The following MSI2 variants were observed in gnomAD, a reference collection of about 807,000 sequenced individuals.
MSI2 encodes musashi RNA binding protein 2.
A neutral mutation model predicts 45.6 loss-of-function variants in MSI2; 17 were observed. That is an observed-to-expected ratio of 0.37 (90% CI 0.26 to 0.56). MSI2 has a LOEUF of 0.56. Among genes scored for constraint, MSI2 ranks in the 20% least tolerant of loss-of-function variants. MSI2 has a pLI of 0.77. For synonymous variants in MSI2, 156 were observed against 158.2 expected (o/e 0.99, Z 0.11); for missense variants, 293 against 444.2 (o/e 0.66, Z 3.06).
chr17:57,592,733 A>C lies in MSI2; in HGVS notation c.455-4135A>C, dbSNP rs115563859. ...GACCAGCGGGGAGAATATCAGAGTC[A>C]GAATTTGAGATGATGCCCTGAGTCT... On this transcript the variant is annotated intron_variant, in intron 7 of 13. Transcript: ENST00000284073. 3.3e-3 allele frequency among the ~76,000 whole-genome samples: 502 copies of C among 152,350 alleles called. 6 individuals are homozygous for C. The highest frequency in any genetic ancestry group is 0.012 in the African/African-American group (480 of 41,572).
At chr17:57,297,905 A>C (rs1343494113) in intron 5 of MSI2, among the ~76,000 whole-genome samples, 3 of 152,194 alleles carry the variant, frequency 2.0e-5, no homozygotes, top group Non-Finnish European at 4.4e-5. Context: ...CAATTCAGTC[A>C]CATCTTAGGC....
At chr17:57,286,013 G>C (rs1440213858) in intron 5 of MSI2, 1 of 1,525,936 alleles carries the variant, frequency 6.6e-7, no homozygotes, top group Non-Finnish European at 8.7e-7. Context: ...TCTGATGAGG[G>C]TAAGAAAAAG....
chr17:57,336,949 C>T (rs895678693), intron 5 of MSI2, among the ~76,000 whole-genome samples: 11 of 152,140 alleles, frequency 7.2e-5, no homozygotes, highest in Non-Finnish European at 1.6e-4. Context: ...GGGCTGCAGT[C>T]ATCTGAAGAC....
chr17:57,317,200 G>A (rs1041643945), intron 5 of MSI2, among the ~76,000 whole-genome samples: 3 of 152,140 alleles, frequency 2.0e-5, no homozygotes, highest in Admixed American at 1.3e-4. Flanking sequence ...ATATGCACTC[G>A]ATTAGCCACG....
At chr17:57,690,380 G>A in the MSI2 span, among the ~76,000 whole-genome samples, 12 of 151,832 alleles carry the variant, frequency 7.9e-5, no homozygotes, top group Middle Eastern at 6.8e-3. Context: ...AGAGGCCAAG[G>A]CAGGAGAATC....
chr17:57,677,115 T>A, intron 13 of MSI2, 56 bp downstream of exon 13: 41 of 1,182,404 alleles, frequency 3.5e-5, no homozygotes, highest in Non-Finnish European at 5.1e-5. Context: ...TACATGTATG[T>A]CCACAGGTCA....
At chr17:57,583,497 T>G (rs902196848) in intron 7 of MSI2, among the ~76,000 whole-genome samples, 1 of 149,472 alleles carries the variant, frequency 6.7e-6, no homozygotes, top group Non-Finnish European at 1.5e-5. Context: ...TCTTTTTTTT[T>G]TTTTTTTTTT....
At chr17:57,388,625 GC>G (rs1176591149) in intron 5 of MSI2, among the ~76,000 whole-genome samples, 1 of 152,098 alleles carries the variant, frequency 6.6e-6, no homozygotes, top group Non-Finnish European at 1.5e-5. Context: ...AGATCACCCA[GC>G]CTCCCCACCC....
At chr17:57,452,822 C>T (rs181238981) in intron 6 of MSI2, among the ~76,000 whole-genome samples, 142 of 152,214 alleles carry the variant, frequency 9.3e-4, no homozygotes, top group Non-Finnish European at 1.3e-3. Flanking sequence ...TCATCACCCT[C>T]GTCTTACAGG....
chr17:57,399,365 G>A (rs1310138137), intron 5 of MSI2, among the ~76,000 whole-genome samples: 1 of 152,218 alleles, frequency 6.6e-6, no homozygotes, highest in Non-Finnish European at 1.5e-5. Context: ...GTGGTATACT[G>A]AGTTGTTAGA....
In MSI2 at chr17:57,552,031, C is replaced by T. The variant is rs1211734506; in HGVS notation, c.454+22307C>T. ...TCCACTTGCTGCATAGAGGGGTTTT[C>T]TGGAACAGAGAATGTGCTGGACCTA... On this transcript the variant is annotated intron_variant, in intron 7 of 13. Coordinates refer to ENST00000284073, the MANE Select transcript of MSI2 (RefSeq NM_138962.4). This position sits in a 1 kb window ranked among gnomAD's most constrained non-coding sequence, Gnocchi z 4.3. 6.6e-6 allele frequency among the ~76,000 whole-genome samples: 1 copy of T among 152,170 alleles called. No homozygotes were observed. The highest frequency in any genetic ancestry group is 1.5e-5 in the Non-Finnish European group (1 of 68,028).
At chr17:57,675,929 A>G (rs572065456) in intron 12 of MSI2, among the ~76,000 whole-genome samples, 1 of 152,326 alleles carries the variant, frequency 6.6e-6, no homozygotes, top group Admixed American at 6.5e-5. Flanking sequence ...GTGTGTGAGC[A>G]TGAATGTGCC....
At chr17:57,464,044 C>T (rs2085284755) in intron 6 of MSI2, among the ~76,000 whole-genome samples, 1 of 148,952 alleles carries the variant, frequency 6.7e-6, no homozygotes, top group African/African-American at 2.5e-5. Context: ...TGTGTGTTTT[C>T]AAGAATATTT....
At chr17:57,469,863 A>G (rs918636913) in intron 6 of MSI2, among the ~76,000 whole-genome samples, 3 of 152,228 alleles carry the variant, frequency 2.0e-5, no homozygotes, top group African/African-American at 7.2e-5. Flanking sequence ...TAAAATCCAG[A>G]CAGCTGCATG....
At chr17:57,576,174 G>T (rs2088041941) in intron 7 of MSI2, among the ~76,000 whole-genome samples, 1 of 152,158 alleles carries the variant, frequency 6.6e-6, no homozygotes, top group Non-Finnish European at 1.5e-5. Flanking sequence ...TCTGTGCTGG[G>T]CACTTATCAG....
intron 5 of MSI2, among the ~76,000 whole-genome samples, chr17:57,290,885 T>C (rs1490748439): frequency 6.6e-6 from 1 of 152,226 alleles, no homozygotes; most frequent in Non-Finnish European, 1.5e-5. Flanking sequence ...GAGAAGTGTC[T>C]TCCACCTTGG....
intron 5 of MSI2, among the ~76,000 whole-genome samples, chr17:57,290,028 G>A (rs1754004831): frequency 6.6e-6 from 1 of 152,224 alleles, no homozygotes; most frequent in Non-Finnish European, 1.5e-5. Context: ...GAGAGGGTGT[G>A]GGGAGTCTGG....
At chr17:57,283,584 C>A (rs960655718) in intron 5 of MSI2, among the ~76,000 whole-genome samples, 2 of 152,132 alleles carry the variant, frequency 1.3e-5, no homozygotes, top group Non-Finnish European at 2.9e-5. Flanking sequence ...AAAGAAACAG[C>A]CTCTTCCAAA....
chr17:57,377,091 T>G (rs1229080925), intron 5 of MSI2, among the ~76,000 whole-genome samples: 1 of 152,142 alleles, frequency 6.6e-6, no homozygotes, highest in Non-Finnish European at 1.5e-5. Flanking sequence ...CAGCTAATTT[T>G]TTGTATTTTT....
Sources: gnomAD v4.1 joint callset for allele counts (sites outside exome capture counted in the v4.1 genomes callset) on GRCh38, gnomAD v4.1.1 for gene constraint, Gnocchi (gnomAD v3.1) non-coding constraint, MANE v1.5 for transcripts, NCBI Gene and HGNC (gene_info 2026-07-23, HGNC 2026-07-21) for gene names.